The following ZNF385D variants were observed in gnomAD, a reference collection of about 807,000 sequenced individuals.
The protein encoded by ZNF385D is zinc finger protein 385D, also known as zinc finger protein 659.
ZNF385D carries 15 observed loss-of-function variants against 35.8 expected under a neutral mutation model. The ratio of observed to expected loss-of-function variants is 0.42; its 90% CI spans 0.28 to 0.64. The LOEUF (loss-of-function observed/expected upper bound fraction) is 0.64. Among genes scored for constraint, ZNF385D ranks in the 30% least tolerant of loss-of-function variants. ZNF385D has a pLI of 0.23. For synonymous variants in ZNF385D, 212 were observed against 186.8 expected, an observed-to-expected ratio of 1.13 and a Z score of -1.10; for missense variants, 474 against 494.6, an observed-to-expected ratio of 0.96 and a Z score of 0.39.
chr3:21,787,840 G>T (rs1169341640), intron 3 of ZNF385D, among the ~76,000 whole-genome samples: 1 of 151,576 alleles, frequency 6.6e-6, no homozygotes, highest in African/African-American at 2.4e-5. Context: ...AACTCGGGAG[G>T]CTGAGGCAGG....
At chr3:21,648,213 T>C (rs895487917) in intron 2 of ZNF385D, among the ~76,000 whole-genome samples, 39 of 152,246 alleles carry the variant, frequency 2.6e-4, no homozygotes, top group African/African-American at 8.9e-4. Context: ...GTTCTTGTGA[T>C]AGTGAGTTCT....
At chr3:21,824,654 G>C (rs763604014) in intron 3 of ZNF385D, among the ~76,000 whole-genome samples, 3 of 152,070 alleles carry the variant, frequency 2.0e-5, no homozygotes, top group Admixed American at 6.6e-5. Flanking sequence ...ATAAAGAAGG[G>C]TGATGAAGTT....
At chr3:22,092,349 C>T (rs1034410939) in intron 3 of ZNF385D, among the ~76,000 whole-genome samples, 2 of 152,166 alleles carry the variant, frequency 1.3e-5, no homozygotes, top group African/African-American at 4.8e-5. Flanking sequence ...CAGCTTGTTT[C>T]TACAAAGCCT....
intron 3 of ZNF385D, among the ~76,000 whole-genome samples, chr3:21,779,295 A>T (rs1575635273): frequency 6.6e-6 from 1 of 152,114 alleles, no homozygotes; most frequent in East Asian, 1.9e-4. Context: ...CTTCTAACTC[A>T]GTGATCATAA....
At position 21,847,274 on chromosome 3, in the gene ZNF385D, T is replaced by C. The variant is rs189218661; in HGVS notation, c.326-182246A>G. On this transcript the variant is annotated intron_variant, in intron 3 of 5. Coordinates refer to the ZNF385D transcript ENST00000494108. ...GGACTTTTTTAGTTATTTGAATGCATCACATTATGTATATTCAAAACAGTC... is the reference window on the plus strand; with the variant it reads ...GGACTTTTTTAGTTATTTGAATGCACCACATTATGTATATTCAAAACAGTC... Among the ~76,000 whole-genome samples, 293 of 152,198 alleles carry C rather than the reference T, an allele frequency of 1.9e-3. 2 individuals are homozygous for C. The highest frequency in any genetic ancestry group is 6.2e-3 in the African/African-American group (257 of 41,550).
chr3:21,790,835 G>A (rs60792605), intron 3 of ZNF385D, among the ~76,000 whole-genome samples: 8 of 152,082 alleles, frequency 5.3e-5, no homozygotes, highest in Non-Finnish European at 1.0e-4. Flanking sequence ...TTGTTTCTTC[G>A]TAAAGATTGT....
rs866128432 is a variant in ZNF385D, at chr3:21,550,721, T to G, written c.276+13853A>C. On this transcript the variant is annotated intron_variant, in intron 3 of 7. Transcript: ENST00000281523. ...TGGTCTCGAATTCCTGACCTCGTGATCCACCTGCCCCTGCCTCCCAAAGTG... is the reference window on the plus strand; with the variant it reads ...TGGTCTCGAATTCCTGACCTCGTGAGCCACCTGCCCCTGCCTCCCAAAGTG... Among the ~76,000 whole-genome samples the G allele has an allele frequency of 7.9e-5, 12 of 152,192 alleles. No individual in the cohort carries two copies. The South Asian group carries it at 1.0e-3, about 13-fold the overall frequency.
chr3:22,288,006 A>G lies in ZNF385D; in HGVS notation c.106+84444T>C, dbSNP rs148178015. On this transcript the variant is annotated intron_variant, in intron 2 of 5. Coordinates refer to the ZNF385D transcript ENST00000494108. The stretch of plus-strand genomic sequence containing the variant: ...TCTGTATCATCTCTTCATCTTTGAA[A>G]GACAGAATTGCCTGGCATATTAATC... Among the ~76,000 whole-genome samples the G allele has an allele frequency of 5.5e-3, 835 of 152,142 alleles. 6 individuals carry two copies. Among genetic ancestry groups the G allele is most frequent in the African/African-American group, 0.018 (738 of 41,554 alleles).
intron 1 of ZNF385D, among the ~76,000 whole-genome samples, chr3:21,721,064 G>GT (rs139334592): frequency 0.015 from 2,313 of 149,836 alleles, 49 homozygotes; most frequent in African/African-American, 0.052. Flanking sequence ...GTTGTAACAG[G>GT]TTTTTTTTTT....
intron 3 of ZNF385D, among the ~76,000 whole-genome samples, chr3:22,081,988 T>C (rs1700773703): frequency 1.3e-5 from 1 of 76,604 alleles, no homozygotes; most frequent in African/African-American, 5.5e-5. Flanking sequence ...GTTGGGGTTT[T>C]CTATTTTTTT....
chr3:22,323,525 C>A (rs1694541299), intron 2 of ZNF385D, among the ~76,000 whole-genome samples: 1 of 152,056 alleles, frequency 6.6e-6, no homozygotes, highest in Admixed American at 6.6e-5. Context: ...CTTAAGAATA[C>A]AAAACCGTGA....
At chr3:21,921,851 A>C (rs1308602225) in intron 3 of ZNF385D, among the ~76,000 whole-genome samples, 1 of 151,736 alleles carries the variant, frequency 6.6e-6, no homozygotes, top group Non-Finnish European at 1.5e-5. Flanking sequence ...TGAAAAAAAA[A>C]AAAGACCCTA....
At chr3:21,873,078 A>G (rs1285729898) in intron 3 of ZNF385D, among the ~76,000 whole-genome samples, 1 of 152,142 alleles carries the variant, frequency 6.6e-6, no homozygotes, top group Non-Finnish European at 1.5e-5. Context: ...GTTTATCTTT[A>G]TTGGTACAAG....
chr3:21,878,002 T>G (rs1379116303), intron 3 of ZNF385D: 1 of 152,064 alleles, frequency 6.6e-6, no homozygotes, highest in African/African-American at 2.4e-5. Flanking sequence ...GTGCTATTTG[T>G]AAGTACCTTA....
At chr3:21,638,888 T>C (rs1216078517) in intron 2 of ZNF385D, among the ~76,000 whole-genome samples, 2 of 152,036 alleles carry the variant, frequency 1.3e-5, no homozygotes, top group Non-Finnish European at 2.9e-5. Context: ...TCTAGAGAAA[T>C]TTCCTCAGTA....
chr3:21,628,258 A>C (rs2065188837), intron 2 of ZNF385D, among the ~76,000 whole-genome samples: 1 of 152,106 alleles, frequency 6.6e-6, no homozygotes, highest in African/African-American at 2.4e-5. Context: ...TCATTGTCAG[A>C]TGGGATTCAG....
intron 2 of ZNF385D, among the ~76,000 whole-genome samples, chr3:22,239,577 A>T (rs1214451097): frequency 6.7e-6 from 1 of 150,034 alleles, no homozygotes; most frequent in Non-Finnish European, 1.5e-5. Context: ...TTGCTGGCAG[A>T]CTATTCCTGT....
chr3:21,678,091 C>A (rs1013803697), intron 1 of ZNF385D, among the ~76,000 whole-genome samples: 7 of 151,952 alleles, frequency 4.6e-5, no homozygotes, highest in African/African-American at 1.7e-4. Context: ...TTGCTATCCC[C>A]GACACAAACC....
chr3:22,150,998 A>C (rs1277878131), intron 3 of ZNF385D, among the ~76,000 whole-genome samples: 1 of 152,210 alleles, frequency 6.6e-6, no homozygotes, highest in Middle Eastern at 3.2e-3. Flanking sequence ...ATGGACTTCT[A>C]TCTAGAGAGA....
Sources: allele counts gnomAD v4.1 joint callset (sites outside exome capture counted in the v4.1 genomes callset), GRCh38; gene constraint gnomAD v4.1.1; transcripts MANE v1.5; gene names NCBI Gene and HGNC (gene_info 2026-07-23, HGNC 2026-07-21).